EFCAB6: variants seen among roughly 807,000 people sequenced by gnomAD.
The protein encoded by EFCAB6 is EF-hand calcium binding domain 6.
A neutral mutation model predicts 169.8 loss-of-function variants in EFCAB6; 156 were observed. That is an observed-to-expected ratio of 0.92 (90% CI 0.81 to 1.05). EFCAB6 has a LOEUF of 1.05. EFCAB6 is among the 50% of genes least tolerant of loss of function. EFCAB6 has a pLI of 0.00. For missense variants in EFCAB6, 1,800 were observed against 1,829.1 expected, an observed-to-expected ratio of 0.98 and a Z score of 0.29; for synonymous variants, 698 against 676.4, an observed-to-expected ratio of 1.03 and a Z score of -0.50.
At chr22:43,763,867 G>A (rs1407446854) in intron 5 of EFCAB6, among the ~76,000 whole-genome samples, 1 of 152,004 alleles carries the variant, frequency 6.6e-6, no homozygotes, top group Non-Finnish European at 1.5e-5. Flanking sequence ...CACCTCCTGG[G>A]CTCAAGTGAT....
At chr22:43,761,820 C>A (rs1035879201) in intron 5 of EFCAB6, among the ~76,000 whole-genome samples, 2 of 151,762 alleles carry the variant, frequency 1.3e-5, no homozygotes, top group Non-Finnish European at 2.9e-5. Flanking sequence ...TGTTTGGAGA[C>A]CTGATTCTAT....
At chr22:43,695,211 A>C (rs962045853) in intron 10 of EFCAB6, among the ~76,000 whole-genome samples, 1 of 152,048 alleles carries the variant, frequency 6.6e-6, no homozygotes, top group African/African-American at 2.4e-5. Flanking sequence ...TAATAGCCAT[A>C]AATCGTTGGA....
intron 26 of EFCAB6, among the ~76,000 whole-genome samples, chr22:43,560,982 A>G: frequency 6.6e-6 from 1 of 152,260 alleles, no homozygotes; most frequent in East Asian, 1.9e-4. Context: ...ATCAGCCTCC[A>G]TTGCATGGAG....
chr22:43,801,947 C>A (rs995057506), intron 2 of EFCAB6, among the ~76,000 whole-genome samples: 1 of 152,148 alleles, frequency 6.6e-6, no homozygotes, highest in Non-Finnish European at 1.5e-5. Context: ...AAACAACACC[C>A]AACAATATGC....
chr22:43,651,156 G>A (rs182627252), intron 17 of EFCAB6, among the ~76,000 whole-genome samples: 94 of 152,362 alleles, frequency 6.2e-4, no homozygotes, highest in Non-Finnish European at 1.0e-4. Flanking sequence ...GGTCTTCACA[G>A]CAGCCCCTCC....
intron 13 of EFCAB6, among the ~76,000 whole-genome samples, chr22:43,673,238 C>T (rs1051185221): frequency 6.6e-6 from 1 of 152,148 alleles, no homozygotes; most frequent in African/African-American, 2.4e-5. Context: ...TTCACTCCAT[C>T]CCCTCTTGTG....
rs188536578 is a variant in EFCAB6 at position 43,563,268 on chromosome 22, A to T, written c.3421-8172T>A. 9.9e-5 allele frequency among the ~76,000 whole-genome samples: 15 copies of T among 152,278 alleles called. No homozygotes were observed. In the East Asian group the frequency reaches 2.9e-3, roughly 29 times the overall value. ...GTTACCTTGGGTAAGATGCACCCCT[A>T]AATTGGCCTCCCTGTCCTCACTGGG... On this transcript the variant is annotated intron_variant, in intron 26 of 31. Coordinates refer to ENST00000262726, the MANE Select transcript of EFCAB6 (RefSeq NM_022785.4).
chr22:43,590,329 G>T lies in EFCAB6; in HGVS notation c.2877-100C>A, dbSNP rs143760035. 1,234 of 1,372,240 alleles carry T rather than the reference G, an allele frequency of 9.0e-4. 17 individuals carry two copies. In the African/African-American group the frequency reaches 0.016, roughly 18 times the overall value. 85.0% of individuals were successfully genotyped at this position (1,372,240 alleles called of 1,614,324 possible). On this transcript the variant is annotated intron_variant, in intron 23 of 31. Transcript: ENST00000262726. ...ATTATTCTAATGCAATGAGCTGATG[G>T]CTCATCTAAGAACTAATTTTGAAGA...
intron 5 of EFCAB6, among the ~76,000 whole-genome samples, chr22:43,764,885 C>CT (rs1310442006): frequency 1.3e-5 from 2 of 151,016 alleles, no homozygotes; most frequent in Non-Finnish European, 2.9e-5. Flanking sequence ...ATACAAAGAT[C>CT]TTTTTTTATT....
At position 43,567,084 on chromosome 22, in the gene EFCAB6, T is replaced by C. The variant is rs897070406; in HGVS notation, c.3420+9213A>G. Among the ~76,000 whole-genome samples, 75 of 152,066 alleles carry C rather than the reference T, an allele frequency of 4.9e-4. 1 individual carries two copies. The highest frequency in any genetic ancestry group is 1.3e-4 in the Non-Finnish European group (9 of 68,022). On this transcript the variant is annotated intron_variant, in intron 26 of 31. Coordinates refer to ENST00000262726, the MANE Select transcript of EFCAB6 (RefSeq NM_022785.4). ...ATCAGAAAGCCATTTCTGCCCATCC[T>C]TCCCCCACTCAGAGTTAGGTCATCC...
chr22:43,779,029 T>C (rs1196338566), intron 3 of EFCAB6, among the ~76,000 whole-genome samples: 1 of 152,042 alleles, frequency 6.6e-6, no homozygotes, highest in Non-Finnish European at 1.5e-5. Context: ...ATGGGAAATA[T>C]GTTGGCAAGA....
intron 27 of EFCAB6, among the ~76,000 whole-genome samples, chr22:43,540,760 A>G (rs1401059643): frequency 6.6e-6 from 1 of 152,192 alleles, no homozygotes; most frequent in Non-Finnish European, 1.5e-5. Context: ...TCACCCTTCC[A>G]GGTACACCTG....
At chr22:43,687,398 C>G in intron 11 of EFCAB6, 73 bp downstream of exon 11, 1 of 909,098 alleles carries the variant, frequency 1.1e-6, no homozygotes, top group Non-Finnish European at 1.6e-6. Context: ...AAAAGTAGCA[C>G]AGATATTCTC....
At position 43,679,054 on chromosome 22, in the gene EFCAB6, A is replaced by C. The variant is rs76526768; in HGVS notation, c.1252-891T>G. On this transcript the variant is annotated intron_variant, in intron 12 of 31. Transcript: ENST00000262726. ...ATCACTGACAGCTAAACTTTAAGTT[A>C]CTTTAATACATTTAAAGCATTGTGT... Among the ~76,000 whole-genome samples the C allele has an allele frequency of 6.2e-3, 952 of 152,322 alleles. 12 individuals are homozygous for C. Among genetic ancestry groups the C allele is most frequent in the African/African-American group, 0.022 (905 of 41,564 alleles).
chr22:43,598,322 A>AAAAAAAAAAAAAAAAC (rs2052204457), intron 23 of EFCAB6, among the ~76,000 whole-genome samples: 3 of 130,238 alleles, frequency 2.3e-5, no homozygotes, highest in Non-Finnish European at 5.0e-5. Flanking sequence ...AAAAAAAAAA[A>AAAAAAAAAAAAAAAAC]AAAAAAAAAA....
At chr22:43,620,701 T>G (rs942703157) in intron 20 of EFCAB6, among the ~76,000 whole-genome samples, 6 of 151,810 alleles carry the variant, frequency 4.0e-5, no homozygotes, top group Non-Finnish European at 7.4e-5. Flanking sequence ...AATACACAAT[T>G]TTTTTTCTCA....
intron 13 of EFCAB6, among the ~76,000 whole-genome samples, chr22:43,674,476 G>A (rs2057634596): frequency 6.6e-6 from 1 of 152,156 alleles, no homozygotes; most frequent in Non-Finnish European, 1.5e-5. Context: ...TGGGTCACGA[G>A]GAACTGGAAG....
chr22:43,530,981 A>G lies in EFCAB6; in HGVS notation c.4234-17T>C, dbSNP rs62232049. 4.9e-5 allele frequency: 70 copies of G among 1,438,418 alleles called. 1 individual carries two copies. The South Asian group carries it at 6.6e-4, about 14-fold the overall frequency. The allele number at this position is 1,438,418 out of a possible 1,614,324, so 89.1% of individuals were successfully genotyped here. On this transcript the variant is annotated splice_polypyrimidine_tract_variant and intron_variant, in intron 30 of 31. Transcript: ENST00000262726. ...GGCTTCTTTCTAGACACAAGACAAG[A>G]AGGGGTGAGGAGGGAGCTTTTGAAC...
intron 9 of EFCAB6, 79 bp downstream of exon 9, chr22:43,716,769 G>A: frequency 6.7e-7 from 1 of 1,503,430 alleles, no homozygotes; most frequent in South Asian, 1.5e-5. Context: ...GAAATAATGT[G>A]TAAACCTAAT....
Sources: allele counts gnomAD v4.1 joint callset (sites outside exome capture counted in the v4.1 genomes callset), GRCh38; gene constraint gnomAD v4.1.1; transcripts MANE v1.5; gene names NCBI Gene and HGNC (gene_info 2026-07-23, HGNC 2026-07-21).